GRIK4: variants seen among roughly 807,000 people sequenced by gnomAD.
GRIK4 encodes the protein glutamate ionotropic receptor kainate type subunit 4, also known as glutamate receptor ionotropic, kainate 4.
Under a neutral mutation model 104.9 loss-of-function variants are expected in GRIK4, and 40 were observed. The ratio of observed to expected loss-of-function variants is 0.38; its 90% confidence interval spans 0.30 to 0.50. The LOEUF (loss-of-function observed/expected upper bound fraction) is 0.50, where lower values mean the gene tolerates loss of function less well. Ranked by LOEUF, GRIK4 falls within the 20% of genes least tolerant of loss-of-function variation. The pLI, the probability that GRIK4 is intolerant of heterozygous loss-of-function variation, is 0.93. For missense variants in GRIK4, 1,047 were observed against 1,308.1 expected, an observed-to-expected ratio of 0.80 and a Z score of 3.08; for synonymous variants, 485 against 524.9, an observed-to-expected ratio of 0.92 and a Z score of 1.04.
At chr11:120,941,694 C>T (rs577579238) in intron 14 of GRIK4, among the ~76,000 whole-genome samples, 4 of 152,192 alleles carry the variant, frequency 2.6e-5, no homozygotes, top group East Asian at 3.9e-4. Flanking sequence ...CTTGGGAATT[C>T]GAAGGCAGAG....
intron 13 of GRIK4, among the ~76,000 whole-genome samples, chr11:120,916,461 G>A (rs549311253): frequency 2.6e-5 from 4 of 152,296 alleles, no homozygotes; most frequent in Admixed American, 6.5e-5. Context: ...ACTCTTTGAA[G>A]GAAAGTACAA....
At chr11:120,889,386 T>G (rs1955209179) in intron 11 of GRIK4, among the ~76,000 whole-genome samples, 1 of 152,076 alleles carries the variant, frequency 6.6e-6, no homozygotes, top group Admixed American at 6.6e-5. Flanking sequence ...AATGTCACTT[T>G]TCCTGCCCAT....
intron 11 of GRIK4, among the ~76,000 whole-genome samples, chr11:120,879,455 A>G (rs936723374): frequency 5.9e-5 from 9 of 152,248 alleles, no homozygotes; most frequent in Non-Finnish European, 1.2e-4. Context: ...CTGGGTTGCA[A>G]TTGGTAAAAC....
intron 15 of GRIK4, among the ~76,000 whole-genome samples, chr11:120,955,985 T>C (rs951677794): frequency 6.6e-6 from 1 of 152,176 alleles, no homozygotes; most frequent in Middle Eastern, 3.4e-3. Context: ...TGCAGAAGCA[T>C]TGAGGCTGGG....
At chr11:120,650,034 G>A (rs1346943534) in intron 1 of GRIK4, among the ~76,000 whole-genome samples, 3 of 152,134 alleles carry the variant, frequency 2.0e-5, no homozygotes, top group Non-Finnish European at 4.4e-5. Flanking sequence ...AGGGATATTT[G>A]TCACCATTCA....
chr11:120,607,512 C>T (rs1317881251), intron 1 of GRIK4, among the ~76,000 whole-genome samples: 3 of 152,058 alleles, frequency 2.0e-5, no homozygotes, highest in Admixed American at 1.3e-4. Flanking sequence ...CAGGACCACA[C>T]GTTGGGTGGA....
chr11:120,664,839 T>C (rs1018809079), intron 3 of GRIK4, among the ~76,000 whole-genome samples: 4 of 152,176 alleles, frequency 2.6e-5, no homozygotes, highest in Admixed American at 1.3e-4. Flanking sequence ...ATTTCAGGGC[T>C]CAGTCGAGGT....
intron 3 of GRIK4, among the ~76,000 whole-genome samples, chr11:120,750,528 G>T (rs1220137330): frequency 6.8e-6 from 1 of 148,136 alleles, no homozygotes; most frequent in South Asian, 2.3e-4. Flanking sequence ...CACCGTGCTT[G>T]GTTAATTTTT....
At chr11:120,832,053 C>G (rs761746505) in intron 7 of GRIK4, 23 bp downstream of exon 7, 3 of 1,563,862 alleles carry the variant, frequency 1.9e-6, no homozygotes, top group East Asian at 2.3e-5. Flanking sequence ...CTCTCTCCCC[C>G]ACCCCCTGCT....
At chr11:120,848,659 G>C (rs1002315001) in intron 8 of GRIK4, among the ~76,000 whole-genome samples, 2 of 152,166 alleles carry the variant, frequency 1.3e-5, no homozygotes, top group Admixed American at 1.3e-4. Context: ...TGATGAATCA[G>C]TATATCCAGG....
chr11:120,746,482 C>T (rs1268659709), intron 3 of GRIK4, among the ~76,000 whole-genome samples: 1 of 152,140 alleles, frequency 6.6e-6, no homozygotes. Flanking sequence ...GAGCAAACTG[C>T]TCCTTCCTCC....
chr11:120,897,601 C>CAAAAAAAAAAAAAAAAAA (rs56807699), intron 11 of GRIK4, among the ~76,000 whole-genome samples: 443 of 13,036 alleles, frequency 0.034, 134 homozygotes, highest in East Asian at 0.059. Context: ...GACTCCTTCT[C>CAAAAAAAAAAAAAAAAAA]AAAAAAAAAA....
chr11:120,633,492 T>C (rs1247299341), intron 1 of GRIK4, among the ~76,000 whole-genome samples: 2 of 152,224 alleles, frequency 1.3e-5, no homozygotes, highest in Non-Finnish European at 2.9e-5. Flanking sequence ...ACTTAGACAT[T>C]GTCAGGACGT....
chr11:120,683,287 T>C (rs1950226338), intron 3 of GRIK4, among the ~76,000 whole-genome samples: 1 of 152,170 alleles, frequency 6.6e-6, no homozygotes, highest in African/African-American at 2.4e-5. Flanking sequence ...TTGAACTGAC[T>C]AGTCTTGGTA....
rs1259232603 is a variant in GRIK4 at position 120,903,617 on chromosome 11, TGCTGCCCTTCAA to T, written c.1273-1664_1273-1653del. ...CATCGCCTTCACCTTTCCTACACCC[TGCTGCCCTTCAA>T]GCTGCCCTCCAACGTAGGGAGTCAC... On this transcript the variant is annotated intron_variant, in intron 12 of 20. Coordinates refer to ENST00000527524, the MANE Select transcript of GRIK4 (RefSeq NM_014619.5). This position sits in a 1 kb window ranked among gnomAD's most constrained non-coding sequence, Gnocchi z 4.4. Among the ~76,000 whole-genome samples, 5 of 152,308 alleles carry T rather than the reference TGCTGCCCTTCAA, an allele frequency of 3.3e-5. No individual in the cohort carries two copies. The highest frequency in any genetic ancestry group is 7.4e-5 in the Non-Finnish European group (5 of 68,022).
chr11:120,561,693 A>G (rs1948241453), intron 1 of GRIK4, among the ~76,000 whole-genome samples: 1 of 152,218 alleles, frequency 6.6e-6, no homozygotes, highest in Non-Finnish European at 1.5e-5. Flanking sequence ...AGGCCTCTTT[A>G]CTACCACACG....
chr11:120,889,588 C>CTTGTTTTTT (rs776440015), intron 11 of GRIK4, among the ~76,000 whole-genome samples: 1 of 67,154 alleles, frequency 1.5e-5, no homozygotes, highest in African/African-American at 5.3e-5. Context: ...AAAGAGCTTA[C>CTTGTTTTTT]ATTTTTTTTT....
chr11:120,822,195 G>C (rs1167668696), intron 6 of GRIK4, among the ~76,000 whole-genome samples: 1 of 135,678 alleles, frequency 7.4e-6, no homozygotes, highest in Non-Finnish European at 1.5e-5. Flanking sequence ...TGGGTGACAG[G>C]AGGGAAACCC....
At chr11:120,923,722 C>T (rs1275046838) in intron 13 of GRIK4, among the ~76,000 whole-genome samples, 1 of 152,140 alleles carries the variant, frequency 6.6e-6, no homozygotes, top group African/African-American at 2.4e-5. Flanking sequence ...CCCATTCGCT[C>T]ATTTAATCCT....
Sources: allele counts gnomAD v4.1 joint callset (sites outside exome capture counted in the v4.1 genomes callset), GRCh38; gene constraint gnomAD v4.1.1; non-coding constraint Gnocchi (gnomAD v3.1); transcripts MANE v1.5; gene names NCBI Gene and HGNC (gene_info 2026-07-23, HGNC 2026-07-21).